Variants in PRSS33 observed in about 807,000 individuals in gnomAD.
PRSS33 encodes protease, serine 33.
A neutral mutation model predicts 26.7 loss-of-function variants in PRSS33; 32 were observed. The observed-to-expected ratio is 1.20, with a 90% CI of 0.90 to 1.61. PRSS33 has a LOEUF of 1.61. Ranked by LOEUF, PRSS33 falls within the 40% of genes most tolerant of loss-of-function variation. PRSS33 has a pLI of 0.00. For synonymous variants in PRSS33, 192 were observed against 177.6 expected, an observed-to-expected ratio of 1.08 and a Z score of -0.64; for missense variants, 450 against 396.3, an observed-to-expected ratio of 1.14 and a Z score of -1.15.
chr16:2,784,382 T>G lies in PRSS33; in HGVS notation c.*262A>C. 2.9e-6 allele frequency: 1 copy of G among 349,972 alleles called. No homozygotes were observed. The highest frequency in any genetic ancestry group is 5.3e-6 in the Non-Finnish European group (1 of 188,856). The allele number at this position is 349,972 out of a possible 1,614,324, so 21.7% of individuals were successfully genotyped here. On this transcript the variant is annotated 3_prime_UTR_variant, in exon 7 of 7. Coordinates refer to ENST00000682474, the MANE Select transcript of PRSS33 (RefSeq NM_152891.3). ...CCTGGCCAGGGCCAAGAAAAGTAAA[T>G]ACAAGCCAGGAAGGGAGTGGGGAGT... is the stretch of plus-strand genomic sequence containing the variant.
chr16:2,784,511 G>A lies in PRSS33; in HGVS notation c.*133C>T. 1.5e-5 allele frequency: 10 copies of A among 677,498 alleles called. No individual in the cohort carries two copies. The South Asian group carries it at 2.1e-4, about 14-fold the overall frequency. 42.0% of individuals were successfully genotyped at this position (677,498 alleles called of 1,614,324 possible). On this transcript the variant is annotated 3_prime_UTR_variant, in exon 7 of 7. Transcript: ENST00000682474. ...AGGCAGGAGGTGGTGGGTGGGGGGT[G>A]GGGTGGCCTTTAGCTTTTTTAGGCA...
chr16:2,784,951 G>A (rs1330652378), intron 6 of PRSS33, 51 bp downstream of exon 6: 1 of 1,574,520 alleles, frequency 6.4e-7, no homozygotes, highest in Admixed American at 1.8e-5. Context: ...GGGAGGGAGG[G>A]TGCTGGGCAC....
Position 2,784,398 on chromosome 16 carries a change from A to C in PRSS33, c.*246T>G. ...AAAAGTAAATACAAGCCAGGAAGGG[A>C]GTGGGGAGTGTGACTCCCTGGGACT... is the stretch of plus-strand genomic sequence containing the variant. On this transcript the variant is annotated 3_prime_UTR_variant, in exon 7 of 7. Transcript: ENST00000682474. 2 of 401,080 alleles carry C rather than the reference A, an allele frequency of 5.0e-6. No individual in the cohort carries two copies. The highest frequency in any genetic ancestry group is 9.0e-6 in the Non-Finnish European group (2 of 221,034). The allele number at this position is 401,080 out of a possible 1,614,324, so 24.8% of individuals were successfully genotyped here.
Position 2,784,573 on chromosome 16 carries a change from C to A in PRSS33, c.*71G>T. 1 of 1,447,648 alleles carries A rather than the reference C, an allele frequency of 6.9e-7. No homozygotes were observed. The highest frequency in any genetic ancestry group is 9.3e-7 in the Non-Finnish European group (1 of 1,076,390). 89.7% of individuals were successfully genotyped at this position (1,447,648 alleles called of 1,614,324 possible). A position where few individuals can be genotyped will look rare whatever the true frequency, so the allele number is the denominator to read the frequency against. On this transcript the variant is annotated 3_prime_UTR_variant, in exon 7 of 7. Transcript: ENST00000682474. ...AGGCAGAAGGGATGTGGGGTATAGG[C>A]AGGTGCCTGGATGAACCAGGAGGCT... is the stretch of plus-strand genomic sequence containing the variant.
At position 2,785,378 on chromosome 16, in the gene PRSS33, C is replaced by G; in HGVS notation, c.511G>C (p.Gly171Arg). The part of the protein sequence containing the change: ...RVTGWGSLRP[G>R]VPLPEWRPLQ... ...GAGCCCCGCCCTCCTGCCTTACCTC[C>G]TGGGCGGAGGCTGCCCCAGCCGGTG... The change falls in exon 5 of 7, where the codon GGA (glycine) becomes CGA (arginine). Residue 171 changes from glycine (G) to arginine (R), a missense_variant. Coordinates refer to ENST00000682474, the MANE Select transcript of PRSS33 (RefSeq NM_152891.3). 7.0e-7 allele frequency: 1 copy of G among 1,435,738 alleles called. No individual in the cohort carries two copies. The highest frequency in any genetic ancestry group is 3.0e-5 in the Admixed American group (1 of 33,778). 88.9% of individuals were successfully genotyped at this position (1,435,738 alleles called of 1,614,324 possible).
chr16:2,785,646 C>G lies in PRSS33; in HGVS notation c.243G>C (p.Arg81Ser), dbSNP rs1347212671. 14 of 1,487,566 alleles carry G rather than the reference C, an allele frequency of 9.4e-6. No homozygotes were observed. The highest frequency in any genetic ancestry group is 1.2e-5 in the Non-Finnish European group (14 of 1,124,642). 92.1% of individuals were successfully genotyped at this position (1,487,566 alleles called of 1,614,324 possible). A position where few individuals can be genotyped will look rare whatever the true frequency, so the allele number is the denominator to read the frequency against. The change falls in exon 5 of 7, where the codon AGG becomes AGC. Residue 81 changes from arginine (R) to serine (S), a missense_variant and splice_region_variant. Coordinates refer to ENST00000682474, the MANE Select transcript of PRSS33 (RefSeq NM_152891.3). Reference sequence around the variant, plus strand: ...CGCGGTACTCAGCTGGCAGTGCCCTCCTGCAGGACAGGAGCGGGGGACTAC... The same window carrying G: ...CGCGGTACTCAGCTGGCAGTGCCCTGCTGCAGGACAGGAGCGGGGGACTAC... The part of the protein sequence containing the change: ...WVLTAAHCFP[R>S]RALPAEYRVR...
chr16:2,785,987 G>T (rs1458751869), intron 3 of PRSS33, 26 bp from the exon 4 acceptor site: 2 of 1,613,126 alleles, frequency 1.2e-6, no homozygotes, highest in East Asian at 4.5e-5. Flanking sequence ...GGGCGGTGAG[G>T]GTTGGCTGAG....
intron 2 of PRSS33, 59 bp from the exon 3 acceptor site, chr16:2,786,180 G>A: frequency 6.9e-7 from 1 of 1,451,216 alleles, no homozygotes; most frequent in Non-Finnish European, 9.7e-7. Flanking sequence ...TAACGGAGTT[G>A]GAGGGGAGGC....
chr16:2,785,333 G>A (rs2068860293), intron 5 of PRSS33, 42 bp downstream of exon 5: 1 of 1,455,684 alleles, frequency 6.9e-7, no homozygotes. Context: ...AGGAGGACGT[G>A]GGGGCTCCCG....
Position 2,785,058 on chromosome 16 carries a change from C to CA in PRSS33, c.627dup (p.Val210CysfsTer21). 6.3e-7 allele frequency: 1 copy of CA among 1,581,400 alleles called. No homozygotes were observed. The highest frequency in any genetic ancestry group is 8.6e-7 in the Non-Finnish European group (1 of 1,166,466). On this transcript the variant is annotated frameshift_variant, in exon 6 of 7. Coordinates refer to ENST00000682474, the MANE Select transcript of PRSS33 (RefSeq NM_152891.3). LOFTEE classifies it high-confidence loss of function. ...CCGGCACACAGACTCCCAGGCAGCA[C>CA]AATGCGCTCAGCCTGGGGCACGTCC...
In PRSS33 at chr16:2,784,629, C is replaced by A. The variant is rs150588506; in HGVS notation, c.*15G>T. 6.4e-6 allele frequency: 10 copies of A among 1,569,520 alleles called. No individual in the cohort carries two copies. In the East Asian group the frequency reaches 7.1e-5, roughly 11 times the overall value. On this transcript the variant is annotated 3_prime_UTR_variant, in exon 7 of 7. Coordinates refer to ENST00000682474, the MANE Select transcript of PRSS33 (RefSeq NM_152891.3). ...ACCCCAGCAGCTGGCTCCAGGTCAG[C>A]CTCACCGGCTAGCATTAGAAGCTGA...
Position 2,786,531 on chromosome 16 carries a change from C to T in PRSS33, c.17G>A (p.Cys6Tyr). 6.2e-7 allele frequency: 1 copy of T among 1,613,422 alleles called. No homozygotes were observed. The highest frequency in any genetic ancestry group is 8.5e-7 in the Non-Finnish European group (1 of 1,179,736). The change falls in exon 2 of 7, where the codon TGT (cysteine) becomes TAT (tyrosine). Residue 6 changes from cysteine to tyrosine, a missense_variant. Transcript: ENST00000682474. MRGVS[C>Y]LQVLLLLVLG... is the part of the protein sequence containing the mutation. ...CACCAGAAGGAGCAGGACCTGGAGA[C>T]AGGAAACCCCTCTCATTCTGTCTTC...
Position 2,785,898 on chromosome 16 carries a change from C to T in PRSS33, c.143G>A (p.Trp48Ter), listed in dbSNP as rs768274882. Reference sequence around the variant, plus strand: ...ATGCTGGATGCTCGCCTGCCACGGCCACTCTCCGTCCCGGCCATCCCGGCC... The same window carrying T: ...ATGCTGGATGCTCGCCTGCCACGGCTACTCTCCGTCCCGGCCATCCCGGCC... ...VGGRDGRDGEWPWQASIQHRG... is the reference protein window; with the variant it reads ...VGGRDGRDGE Residue 48 changes from tryptophan to a stop codon, truncating the protein, a stop_gained, in exon 4 of 7, where the codon TGG (tryptophan) becomes TAG (stop). Transcript: ENST00000682474. LOFTEE classifies it high-confidence loss of function. The T allele has an allele frequency of 8.3e-5, 133 of 1,611,338 alleles. No homozygotes were observed. The highest frequency in any genetic ancestry group is 1.1e-4 in the Non-Finnish European group (131 of 1,179,506).
chr16:2,787,467 GTCCTCACCCTCA>G (rs935497839), intron 1 of PRSS33, among the ~76,000 whole-genome samples, 54 bp downstream of exon 1: 8 of 115,784 alleles, frequency 6.9e-5, no homozygotes, highest in Admixed American at 2.8e-4. Context: ...ACCCCTCCTC[GTCCTCACCCTCA>G]TCCTCACCCA....
rs202201010 is a variant in PRSS33 at position 2,786,526 on chromosome 16, G to A, written c.22C>T (p.Gln8Ter). ...CCCAGCACCAGAAGGAGCAGGACCT[G>A]GAGACAGGAAACCCCTCTCATTCTG... MRGVSCL[Q>*]VLLLLVLGAA... The change falls in exon 2 of 7, where the codon CAG becomes TAG. Residue 8 changes from glutamine (Q) to a stop codon, truncating the protein, a stop_gained. Transcript: ENST00000682474. LOFTEE classifies it high-confidence loss of function. The A allele has an allele frequency of 1.9e-4, 299 of 1,613,280 alleles. No homozygotes were observed. Among genetic ancestry groups the A allele is most frequent in the Non-Finnish European group, 2.4e-4 (289 of 1,179,736 alleles).
At position 2,785,108 on chromosome 16, in the gene PRSS33, C is replaced by A; in HGVS notation, c.578G>T (p.Cys193Phe). ...CGCGCCCACGTGGTAGAGGCCGTCG[C>A]AGGTGCGCGAGTCCAGCAGCGGCAC... Reference protein sequence around the residue: ...VRVPLLDSRTCDGLYHVGADV... With the variant: ...VRVPLLDSRTFDGLYHVGADV... The change falls in exon 6 of 7, where the codon TGC becomes TTC. Residue 193 changes from cysteine (C) to phenylalanine (F), a missense_variant. Cys to Phe is a radical substitution (Grantham distance 205). Transcript: ENST00000682474. 6.5e-7 allele frequency: 1 copy of A among 1,550,014 alleles called. No individual in the cohort carries two copies. Among genetic ancestry groups the A allele is most frequent in the Non-Finnish European group, 8.7e-7 (1 of 1,149,994 alleles).
chr16:2,785,566 G>A lies in PRSS33; in HGVS notation c.323C>T (p.Pro108Leu), dbSNP rs1596305823. 1 of 1,527,214 alleles carries A rather than the reference G, an allele frequency of 6.5e-7. No homozygotes were observed. The highest frequency in any genetic ancestry group is 8.7e-7 in the Non-Finnish European group (1 of 1,144,114). 94.6% of individuals were successfully genotyped at this position (1,527,214 alleles called of 1,614,324 possible). A position where few individuals can be genotyped will look rare whatever the true frequency, so the allele number is the denominator to read the frequency against. The change falls in exon 5 of 7, where the codon CCC becomes CTC. Residue 108 changes from proline to leucine, a missense_variant. Coordinates refer to ENST00000682474, the MANE Select transcript of PRSS33 (RefSeq NM_152891.3). Reference protein sequence around the residue: ...GSTSPRTLSVPVRRVLLPPDY... With the variant: ...GSTSPRTLSVLVRRVLLPPDY... ...CGGGGGCAGCAGCACCCGTCGCACG[G>A]GCACCGAGAGCGTGCGGGGCGAGGT...
At chr16:2,786,246 G>C in intron 2 of PRSS33, 125 bp from the exon 3 acceptor site, 3 of 982,182 alleles carry the variant, frequency 3.1e-6, no homozygotes, top group Non-Finnish European at 4.8e-6. Flanking sequence ...CCAGGCTTTC[G>C]TGCCGTCTGT....
In PRSS33 at chr16:2,785,564, C is replaced by G; in HGVS notation, c.325G>C (p.Val109Leu). The G allele has an allele frequency of 6.5e-7, 1 of 1,527,722 alleles. No homozygotes were observed. The highest frequency in any genetic ancestry group is 8.7e-7 in the Non-Finnish European group (1 of 1,144,318). 94.6% of individuals were successfully genotyped at this position (1,527,722 alleles called of 1,614,324 possible). The change falls in exon 5 of 7, where the codon GTG becomes CTG. Residue 109 changes from valine (V) to leucine (L), a missense_variant. Coordinates refer to ENST00000682474, the MANE Select transcript of PRSS33 (RefSeq NM_152891.3). ...TCCGGGGGCAGCAGCACCCGTCGCA[C>G]GGGCACCGAGAGCGTGCGGGGCGAG... Reference protein sequence around the residue: ...STSPRTLSVPVRRVLLPPDYS... With the variant: ...STSPRTLSVPLRRVLLPPDYS...
Sources: allele counts gnomAD v4.1 joint callset (sites outside exome capture counted in the v4.1 genomes callset), GRCh38; gene constraint gnomAD v4.1.1; transcripts MANE v1.5; gene names NCBI Gene and HGNC (gene_info 2026-07-23, HGNC 2026-07-21).